The following MORN1 variants were observed in gnomAD, a reference collection of about 807,000 sequenced individuals.
The protein encoded by MORN1 is MORN repeat containing 1.
A neutral mutation model predicts 61.9 loss-of-function variants in MORN1; 67 were observed. That is an observed-to-expected ratio of 1.08 (90% CI 0.89 to 1.33). The LOEUF is 1.33. MORN1 is among the 40% of genes most tolerant of loss of function. MORN1 has a pLI of 0.00. For synonymous variants in MORN1, 301 were observed against 292.0 expected, an observed-to-expected ratio of 1.03 and a Z score of -0.31; for missense variants, 752 against 691.2, an observed-to-expected ratio of 1.09 and a Z score of -0.99.
intron 8 of MORN1, among the ~76,000 whole-genome samples, chr1:2,361,171 G>A (rs772986142): frequency 2.6e-5 from 4 of 152,154 alleles, no homozygotes; most frequent in South Asian, 2.1e-4. Context: ...AAACTGACAC[G>A]GATGTTAGAA....
intron 1 of MORN1, chr1:2,390,584 G>A (rs569800612): frequency 1.0e-6 from 1 of 985,402 alleles, no homozygotes; most frequent in East Asian, 1.1e-4. Flanking sequence ...CACATTTTGT[G>A]GGCAGGGTTT....
chr1:2,339,368 C>A (rs1188791724), intron 10 of MORN1, among the ~76,000 whole-genome samples: 1 of 152,174 alleles, frequency 6.6e-6, no homozygotes, highest in Non-Finnish European at 1.5e-5. Context: ...TGAGAGACAG[C>A]GGTCCACCTC....
rs2100304460 is a variant in MORN1, at chr1:2,357,664, C to T, written c.870-66G>A. 1.8e-5 allele frequency: 27 copies of T among 1,512,606 alleles called. No individual in the cohort carries two copies. Among genetic ancestry groups the T allele is most frequent in the South Asian group, 3.9e-5 (3 of 76,590 alleles). 93.7% of individuals were successfully genotyped at this position (1,512,606 alleles called of 1,614,324 possible). ...ACCAAACTAGGGTGCAGGCAGACAG[C>T]GTGGCCCACGCCCTGGACCCTGGGA... On this transcript the variant is annotated intron_variant, in intron 9 of 13. Transcript: ENST00000378531. The surrounding 1 kb of genome is among the most constrained non-coding windows in gnomAD (Gnocchi z 6.3).
In MORN1 at chr1:2,385,555, G is replaced by T. The variant is rs1012226900; in HGVS notation, c.449+252C>A. ...TCTCAGGAGGTATTTTAATCGGGGG[G>T]GGGGGGGATGTTTTATCTAAACACA... On this transcript the variant is annotated intron_variant, in intron 5 of 13. Coordinates refer to ENST00000378531, the MANE Select transcript of MORN1 (RefSeq NM_024848.3). 6 of 346,788 alleles carry T rather than the reference G, an allele frequency of 1.7e-5. 2 individuals carry two copies. Among genetic ancestry groups the T allele is most frequent in the African/African-American group, 8.4e-5 (4 of 47,846 alleles). The allele number at this position is 346,788 out of a possible 1,614,324, so 21.5% of individuals were successfully genotyped here.
chr1:2,387,987 AT>A (rs1437778894), intron 3 of MORN1: 7 of 498,260 alleles, frequency 1.4e-5, no homozygotes, highest in South Asian at 6.5e-5. Context: ...ATAGCTTTAA[AT>A]AAAAAAGAAA....
intron 2 of MORN1, among the ~76,000 whole-genome samples, chr1:2,389,617 G>C (rs772243611): frequency 1.3e-5 from 2 of 152,222 alleles, no homozygotes; most frequent in Non-Finnish European, 2.9e-5. Flanking sequence ...ACAAGAGTAG[G>C]TTCTCTTTAT....
Position 2,336,460 on chromosome 1 carries a change from T to C in MORN1, c.1250+9A>G, listed in dbSNP as rs1641281102. On this transcript the variant is annotated intron_variant, in intron 12 of 13. Transcript: ENST00000378531. ...CCGAACACCTGCAGGTGGGGTGGGCTCATCCTACCTGCTGCCTCCAGGAGG... is the reference window on the plus strand; with the variant it reads ...CCGAACACCTGCAGGTGGGGTGGGCCCATCCTACCTGCTGCCTCCAGGAGG... The C allele has an allele frequency of 6.2e-7, 1 of 1,609,810 alleles. No individual in the cohort carries two copies.
At chr1:2,381,970 G>A (rs1031571853) in intron 6 of MORN1, among the ~76,000 whole-genome samples, 1 of 152,332 alleles carries the variant, frequency 6.6e-6, no homozygotes. Flanking sequence ...CAGGAGGGAG[G>A]GCGCCGTCCC....
intron 6 of MORN1, among the ~76,000 whole-genome samples, chr1:2,381,670 G>A (rs145052864): frequency 6.6e-6 from 1 of 152,244 alleles, no homozygotes; most frequent in East Asian, 1.9e-4. Flanking sequence ...GAAATCCTCT[G>A]CAAAACCCTC....
intron 10 of MORN1, among the ~76,000 whole-genome samples, chr1:2,339,230 A>G (rs953586396): frequency 3.3e-5 from 5 of 152,136 alleles, no homozygotes; most frequent in African/African-American, 9.7e-5. Context: ...GCGCATCTGG[A>G]CCAGGAGCCC....
chr1:2,345,205 C>T (rs1397782173), intron 10 of MORN1, among the ~76,000 whole-genome samples: 9 of 152,264 alleles, frequency 5.9e-5, no homozygotes, highest in African/African-American at 2.2e-4. Context: ...CGCACCCTCG[C>T]ACAGGCATGG....
chr1:2,384,139 A>AT (rs2100365681), intron 6 of MORN1, among the ~76,000 whole-genome samples: 1 of 152,024 alleles, frequency 6.6e-6, no homozygotes, highest in East Asian at 1.9e-4. Flanking sequence ...TTTTCATTAC[A>AT]TTTTTCCCCA....
chr1:2,341,294 G>A (rs1205923730), intron 10 of MORN1, among the ~76,000 whole-genome samples: 1 of 152,156 alleles, frequency 6.6e-6, no homozygotes, highest in East Asian at 1.9e-4. Context: ...GAGCCAACTT[G>A]CTGGTCACAG....
intron 12 of MORN1, among the ~76,000 whole-genome samples, chr1:2,333,081 C>T (rs1014702310): frequency 6.6e-6 from 1 of 152,246 alleles, no homozygotes; most frequent in Non-Finnish European, 1.5e-5. Flanking sequence ...CGTTGGGGTC[C>T]TTAGGAAGGA....
chr1:2,362,123 T>A (rs560394124), intron 8 of MORN1, among the ~76,000 whole-genome samples: 3 of 152,224 alleles, frequency 2.0e-5, no homozygotes, highest in Middle Eastern at 3.4e-3. Context: ...TCCCAGCTAC[T>A]CGGGAGGCTG....
intron 6 of MORN1, chr1:2,378,673 T>C (rs114064554): frequency 3.6e-4 from 115 of 319,872 alleles, no homozygotes; most frequent in African/African-American, 2.4e-3. Flanking sequence ...CCAACATGGG[T>C]AGGAGACACT....
In MORN1 at chr1:2,322,787, G is replaced by A. The variant is rs991883165; in HGVS notation, c.1298-1208C>T. On this transcript the variant is annotated intron_variant, in intron 13 of 13. Coordinates refer to ENST00000378531, the MANE Select transcript of MORN1 (RefSeq NM_024848.3). ...CTGGCCGGGGGGCCGAGAGCTCAGT[G>A]GGCAGTGGCTGAGGAGCCCGGCCAC... The A allele has an allele frequency of 5.1e-6, 5 of 985,348 alleles. No homozygotes were observed. In the African/African-American group the frequency reaches 8.7e-5, roughly 17 times the overall value. The allele number at this position is 985,348 out of a possible 1,614,324, so 61.0% of individuals were successfully genotyped here.
intron 8 of MORN1, among the ~76,000 whole-genome samples, chr1:2,359,733 G>A (rs1641853274): frequency 6.6e-6 from 1 of 152,052 alleles, no homozygotes; most frequent in Admixed American, 6.5e-5. Flanking sequence ...AATACAAAAA[G>A]TAGTCAAGTG....
intron 8 of MORN1, chr1:2,371,226 C>CACAACCACA (rs57413417): frequency 0.39 from 58,568 of 148,612 alleles, 13,203 homozygotes; most frequent in East Asian, 0.67. Flanking sequence ...CAACAACAAC[C>CACAACCACA]ACAACAACAA....
Sources: allele counts gnomAD v4.1 joint callset (sites outside exome capture counted in the v4.1 genomes callset), GRCh38; gene constraint gnomAD v4.1.1; non-coding constraint Gnocchi (gnomAD v3.1); transcripts MANE v1.5; gene names NCBI Gene and HGNC (gene_info 2026-07-23, HGNC 2026-07-21).